RBFOX1: variants seen among roughly 807,000 people sequenced by gnomAD.
RBFOX1 encodes the protein RNA binding protein fox-1 homolog 1.
RBFOX1 carries 8 observed loss-of-function variants against 57.7 expected under a neutral mutation model. The observed-to-expected ratio is 0.14, with a 90% CI of 0.08 to 0.25. The LOEUF (loss-of-function observed/expected upper bound fraction) is 0.25, where lower values mean the gene tolerates loss of function less well. RBFOX1 is among the 10% of genes least tolerant of loss of function. The pLI is 1.00. For synonymous variants in RBFOX1, 326 were observed against 222.4 expected (o/e 1.47, Z -4.15); for missense variants, 611 against 548.5 (o/e 1.11, Z -1.14).
chr16:6,957,201 G>T (rs963082863), intron 3 of RBFOX1, among the ~76,000 whole-genome samples: 1 of 149,670 alleles, frequency 6.7e-6, no homozygotes, highest in African/African-American at 2.5e-5. Context: ...GTGTGATCTC[G>T]GCTCACTGCA....
intron 1 of RBFOX1, among the ~76,000 whole-genome samples, chr16:6,295,186 C>T (rs1358889235): frequency 6.8e-6 from 1 of 146,232 alleles, no homozygotes; most frequent in African/African-American, 2.6e-5. Context: ...TGCAGTGGTG[C>T]GATCTCAGCT....
chr16:7,346,591 C>G (rs927702413), intron 4 of RBFOX1, among the ~76,000 whole-genome samples: 3 of 151,858 alleles, frequency 2.0e-5, no homozygotes, highest in African/African-American at 4.8e-5. Context: ...CTATAGAAGT[C>G]TCGTTGCTGA....
intron 4 of RBFOX1, among the ~76,000 whole-genome samples, chr16:7,470,549 G>T (rs551996417): frequency 1.3e-5 from 2 of 151,738 alleles, no homozygotes; most frequent in Non-Finnish European, 2.9e-5. Context: ...GGGTGGATGG[G>T]TGAGTGGTAG....
intron 4 of RBFOX1, among the ~76,000 whole-genome samples, chr16:7,389,211 G>A (rs1568571595): frequency 1.3e-5 from 2 of 152,064 alleles, no homozygotes; most frequent in African/African-American, 4.8e-5. Context: ...TGGCAGCTTT[G>A]ATCTCTCCAG....
chr16:6,429,572 C>CA (rs2094020149), intron 2 of RBFOX1, among the ~76,000 whole-genome samples: 1 of 152,098 alleles, frequency 6.6e-6, no homozygotes, highest in Non-Finnish European at 1.5e-5. Flanking sequence ...GGCTGTGTCC[C>CA]CACCCAAATC....
At chr16:5,851,920 G>T (rs745882716) in intron 3 of RBFOX1, among the ~76,000 whole-genome samples, 5 of 152,212 alleles carry the variant, frequency 3.3e-5, no homozygotes, top group Admixed American at 2.6e-4. Context: ...GAGAGCAGAG[G>T]CTCCATCATT....
intron 4 of RBFOX1, among the ~76,000 whole-genome samples, chr16:7,069,450 C>T (rs76070704): frequency 0.01 from 1,537 of 152,208 alleles, 30 homozygotes; most frequent in African/African-American, 0.035. Context: ...ATGCGGTGTT[C>T]AGTTTTCTGT....
chr16:7,604,463 T>C (rs1432386043), intron 9 of RBFOX1, among the ~76,000 whole-genome samples: 4 of 152,226 alleles, frequency 2.6e-5, no homozygotes, highest in African/African-American at 4.8e-5. Flanking sequence ...AAACATGAGA[T>C]AGCACAGATC....
At chr16:5,770,374 T>G (rs917115470) in intron 3 of RBFOX1, among the ~76,000 whole-genome samples, 3 of 152,160 alleles carry the variant, frequency 2.0e-5, no homozygotes, top group Non-Finnish European at 4.4e-5. Flanking sequence ...GACATAAGTT[T>G]ACAAATGCCA....
In RBFOX1 at chr16:7,230,980, T is replaced by C. The variant is rs538843273; in HGVS notation, c.27+178882T>C. On this transcript the variant is annotated intron_variant, in intron 4 of 15. Transcript: ENST00000550418. ...ACTGGTTTCCGAAGCTGGGTCTGAGTCCCAGAATTCACATTGATCAGCCAT... is the reference window on the plus strand; with the variant it reads ...ACTGGTTTCCGAAGCTGGGTCTGAGCCCCAGAATTCACATTGATCAGCCAT... Among the ~76,000 whole-genome samples the C allele has an allele frequency of 3.3e-5, 5 of 152,200 alleles. No homozygotes were observed. In the East Asian group the frequency reaches 9.7e-4, roughly 30 times the overall value.
chr16:7,222,808 C>T (rs925526524), intron 4 of RBFOX1, among the ~76,000 whole-genome samples: 2 of 152,218 alleles, frequency 1.3e-5, no homozygotes, highest in African/African-American at 4.8e-5. Context: ...AGGTACTCTT[C>T]TGGGTACTCA....
chr16:6,133,012 G>T (rs1003712660), intron 1 of RBFOX1, among the ~76,000 whole-genome samples: 2 of 148,176 alleles, frequency 1.3e-5, no homozygotes, highest in African/African-American at 5.0e-5. Flanking sequence ...TTTTCAAAAG[G>T]TCTCTGCTGT....
At chr16:6,893,764 G>C (rs1435025260) in intron 3 of RBFOX1, among the ~76,000 whole-genome samples, 5 of 152,134 alleles carry the variant, frequency 3.3e-5, no homozygotes, top group African/African-American at 1.2e-4. Flanking sequence ...CAAAACACAT[G>C]TATCATCTGG....
chr16:5,969,393 C>T lies in RBFOX1; in HGVS notation c.351+102058C>T, dbSNP rs560646119. 2.7e-5 allele frequency among the ~76,000 whole-genome samples: 4 copies of T among 145,496 alleles called. No homozygotes were observed. The South Asian group carries it at 8.9e-4, about 32-fold the overall frequency. ...ATGGTATGAACTAGGCTCACTGCAA[C>T]CTCTGCCTTCTGGGTTCAAGCGATT... On this transcript the variant is annotated intron_variant, in intron 4 of 19. Coordinates refer to the RBFOX1 transcript ENST00000641259.
At chr16:5,250,521 T>G (rs914940827) in intron 1 of RBFOX1, among the ~76,000 whole-genome samples, 1 of 152,218 alleles carries the variant, frequency 6.6e-6, no homozygotes, top group African/African-American at 2.4e-5. Flanking sequence ...GAACACACAG[T>G]GTTTGGTTTT....
chr16:6,800,188 G>A (rs1026447235), intron 3 of RBFOX1, among the ~76,000 whole-genome samples: 1 of 148,092 alleles, frequency 6.8e-6, no homozygotes, highest in African/African-American at 2.7e-5. Context: ...ACAGGGTATT[G>A]AAAACAAGTC....
chr16:5,490,597 G>C (rs963142504), intron 2 of RBFOX1, among the ~76,000 whole-genome samples: 1 of 152,166 alleles, frequency 6.6e-6, no homozygotes, highest in Admixed American at 6.5e-5. Flanking sequence ...GGGTGAGGGG[G>C]TGATGAGTGT....
At chr16:7,404,929 G>T (rs2098312163) in intron 4 of RBFOX1, among the ~76,000 whole-genome samples, 1 of 152,104 alleles carries the variant, frequency 6.6e-6, no homozygotes, top group Admixed American at 6.5e-5. Flanking sequence ...TAGATATGTG[G>T]GCGTAGGTCC....
chr16:7,688,196 T>C (rs1161979726), intron 14 of RBFOX1, among the ~76,000 whole-genome samples: 1 of 149,412 alleles, frequency 6.7e-6, no homozygotes, highest in African/African-American at 2.5e-5. Flanking sequence ...AGGGATTGCC[T>C]AGTAGGCATC....
Sources: allele counts gnomAD v4.1 joint callset (sites outside exome capture counted in the v4.1 genomes callset), GRCh38; gene constraint gnomAD v4.1.1; transcripts MANE v1.5; gene names NCBI Gene and HGNC (gene_info 2026-07-23, HGNC 2026-07-21).